Variants in SNRK observed in about 807,000 individuals in gnomAD.
SNRK encodes SNF related kinase, also known as SNF-related serine/threonine-protein kinase.
In SNRK, 3 loss-of-function variants were observed where a neutral mutation model predicts 48.2. The observed-to-expected ratio is 0.06, with a 90% CI of 0.03 to 0.16. SNRK has a LOEUF of 0.16. Among genes scored for constraint, SNRK ranks in the 10% least tolerant of loss-of-function variants. The pLI, the probability that SNRK is intolerant of heterozygous loss-of-function variation, is 1.00. For missense variants in SNRK, 627 were observed against 976.0 expected (o/e 0.64, Z 4.76); for synonymous variants, 376 against 366.1 (o/e 1.03, Z -0.31).
chr3:43,312,903 CAAA>C (rs1017660120), intron 3 of SNRK, among the ~76,000 whole-genome samples: 2 of 152,012 alleles, frequency 1.3e-5, no homozygotes, highest in Non-Finnish European at 2.9e-5. Context: ...TGATAGAAAT[CAAA>C]GAAGGCGTAA....
chr3:43,340,300 A>G lies in SNRK; in HGVS notation c.745A>G (p.Met249Val), dbSNP rs777706778. The change falls in exon 5 of 7, where the codon ATG (methionine) becomes GTG (valine). Residue 249 changes from methionine to valine, a missense_variant. Around this residue, in one of 4 missense-constraint regions of SNRK, gnomAD observed 147 missense variants for 356.8 expected, o/e 0.41. Coordinates refer to ENST00000296088, the MANE Select transcript of SNRK (RefSeq NM_017719.5). ...SKECKDLITR[M>V]LQRDPKRRAS... ...CTTCCTTTCCAGCCTAATCACACGG[A>G]TGCTACAGAGAGATCCCAAGAGAAG... 3.1e-6 allele frequency: 5 copies of G among 1,614,086 alleles called. No individual in the cohort carries two copies. The highest frequency in any genetic ancestry group is 2.5e-6 in the Non-Finnish European group (3 of 1,179,978).
chr3:43,317,881 A>G (rs928637324), intron 3 of SNRK, among the ~76,000 whole-genome samples: 31 of 152,334 alleles, frequency 2.0e-4, no homozygotes, highest in Non-Finnish European at 4.0e-4. Flanking sequence ...AATGGGGTTC[A>G]TAGTTCCTGC....
At chr3:43,307,537 A>G (rs943089280) in intron 3 of SNRK, among the ~76,000 whole-genome samples, 1 of 152,128 alleles carries the variant, frequency 6.6e-6, no homozygotes, top group African/African-American at 2.4e-5. Flanking sequence ...GTCATTATTT[A>G]TTTTTTATGG....
rs762168922 is a variant in SNRK at position 43,347,640 on chromosome 3, C to T, written c.1381C>T (p.Leu461Phe). 6.2e-7 allele frequency: 1 copy of T among 1,613,830 alleles called. No individual in the cohort carries two copies. Among genetic ancestry groups the T allele is most frequent in the Non-Finnish European group, 8.5e-7 (1 of 1,180,020 alleles). ...EDEEDKKPMS[L>F]STQVVLRRKP... ...TGAGGAGGACAAGAAACCCATGTCC[C>T]TCTCAACACAAGTGGTTTTGCGCCG... The change falls in exon 7 of 7, where the codon CTC becomes TTC. Residue 461 changes from leucine (L) to phenylalanine (F), a missense_variant. Leu to Phe is a conservative substitution (Grantham distance 22). This residue lies in a region of SNRK where 175 missense variants were observed against 209.7 expected (regional missense o/e 0.83). Coordinates refer to ENST00000296088, the MANE Select transcript of SNRK (RefSeq NM_017719.5). The surrounding 1 kb of genome is among the most constrained non-coding windows in gnomAD (Gnocchi z 5.4).
intron 3 of SNRK, among the ~76,000 whole-genome samples, chr3:43,309,153 T>A (rs1283250745): frequency 6.6e-6 from 1 of 151,950 alleles, no homozygotes; most frequent in Admixed American, 6.6e-5. Flanking sequence ...AAGAAAGTGT[T>A]TTTTTTTAGT....
At position 43,349,617 on chromosome 3, in the gene SNRK, A is replaced by G. The variant is rs1241927585; in HGVS notation, c.*1060A>G. The G allele has an allele frequency of 6.6e-6, 1 of 152,120 alleles. No individual in the cohort carries two copies. The highest frequency in any genetic ancestry group is 2.4e-5 in the African/African-American group (1 of 41,330). 9.4% of individuals were successfully genotyped at this position (152,120 alleles called of 1,614,324 possible). On this transcript the variant is annotated 3_prime_UTR_variant, in exon 7 of 7. Coordinates refer to ENST00000296088, the MANE Select transcript of SNRK (RefSeq NM_017719.5). ...ATACATAAAAGGGTAAAATTCACAC[A>G]TACAGCAAACAAAAATGCACAAAGC...
chr3:43,290,286 C>A (rs2090801082), intron 1 of SNRK, among the ~76,000 whole-genome samples: 1 of 152,150 alleles, frequency 6.6e-6, no homozygotes, highest in Non-Finnish European at 1.5e-5. Flanking sequence ...ATTTTATCAG[C>A]TTGTTATGGA....
chr3:43,320,268 T>A (rs1342072575), intron 3 of SNRK, among the ~76,000 whole-genome samples: 9 of 152,204 alleles, frequency 5.9e-5, no homozygotes, highest in African/African-American at 2.2e-4. Flanking sequence ...GGGTACAGTA[T>A]TCTTTTTATT....
At chr3:43,311,713 G>A (rs1057355011) in intron 3 of SNRK, among the ~76,000 whole-genome samples, 1 of 152,140 alleles carries the variant, frequency 6.6e-6, no homozygotes, top group African/African-American at 2.4e-5. Flanking sequence ...GGCTAAGACA[G>A]GAGTAATGTC....
chr3:43,295,332 C>G (rs925722043), intron 1 of SNRK, among the ~76,000 whole-genome samples: 2 of 152,224 alleles, frequency 1.3e-5, no homozygotes, highest in Admixed American at 1.3e-4. Flanking sequence ...GCAACCAAAT[C>G]ATTGCCTCAA....
intron 4 of SNRK, among the ~76,000 whole-genome samples, chr3:43,337,104 C>T (rs997685477): frequency 2.7e-5 from 4 of 150,872 alleles, no homozygotes; most frequent in Non-Finnish European, 4.4e-5. Flanking sequence ...GGTGGAGTCT[C>T]GATCTGTCGC....
chr3:43,341,357 T>A (rs192448010), intron 5 of SNRK, among the ~76,000 whole-genome samples: 6 of 152,136 alleles, frequency 3.9e-5, no homozygotes, highest in Admixed American at 1.3e-4. Context: ...TTCACTGTGT[T>A]AGCCAGGATG....
chr3:43,346,634 G>A (rs1049839046), intron 6 of SNRK, among the ~76,000 whole-genome samples: 1 of 152,188 alleles, frequency 6.6e-6, no homozygotes, highest in African/African-American at 2.4e-5. Flanking sequence ...CCAGCTATTC[G>A]AGAGGCTGAA....
intron 1 of SNRK, among the ~76,000 whole-genome samples, chr3:43,296,415 C>CATATATATATATATATATACAT (rs371078181): frequency 1.6e-5 from 2 of 127,216 alleles, no homozygotes; most frequent in Middle Eastern, 4.0e-3. Flanking sequence ...GATATACTGG[C>CATATATATATATATATATACAT]ATATATATAT....
At chr3:43,341,189 C>T (rs1361250334) in intron 5 of SNRK, among the ~76,000 whole-genome samples, 7 of 150,752 alleles carry the variant, frequency 4.6e-5, no homozygotes, top group Middle Eastern at 3.5e-3. Context: ...CTCGCTCTGT[C>T]GCTCAGGCTG....
At chr3:43,344,947 C>T in intron 6 of SNRK, among the ~76,000 whole-genome samples, 1 of 151,966 alleles carries the variant, frequency 6.6e-6, no homozygotes, top group East Asian at 1.9e-4. Flanking sequence ...CAGTCTAAAG[C>T]TGATTGTATA....
chr3:43,306,423 G>C (rs2090938591), intron 3 of SNRK, among the ~76,000 whole-genome samples: 1 of 151,846 alleles, frequency 6.6e-6, no homozygotes, highest in African/African-American at 2.4e-5. Context: ...ATAGTATACT[G>C]GTCCTCAGCA....
At chr3:43,299,309 C>G (rs905447602) in intron 1 of SNRK, among the ~76,000 whole-genome samples, 1 of 152,160 alleles carries the variant, frequency 6.6e-6, no homozygotes, top group African/African-American at 2.4e-5. Context: ...TCCTGAGTAG[C>G]TGGGATTACA....
At chr3:43,299,210 C>T (rs975222552) in intron 1 of SNRK, among the ~76,000 whole-genome samples, 4 of 152,186 alleles carry the variant, frequency 2.6e-5, no homozygotes, top group Non-Finnish European at 5.9e-5. Flanking sequence ...TGGAGTCTCG[C>T]TTTGTCACCC....
Sources: gnomAD v4.1 joint callset for allele counts (sites outside exome capture counted in the v4.1 genomes callset) on GRCh38, gnomAD v4.1.1 for gene constraint, gnomAD v4.1.1 regional missense constraint, Gnocchi (gnomAD v3.1) non-coding constraint, MANE v1.5 for transcripts, NCBI Gene and HGNC (gene_info 2026-07-23, HGNC 2026-07-21) for gene names.